The following DDX52 variants were observed in gnomAD, a reference collection of about 807,000 sequenced individuals.
DDX52 encodes DExD-box helicase 52, also known as probable ATP-dependent RNA helicase DDX52.
DDX52 carries 59 observed loss-of-function variants against 76.1 expected under a neutral mutation model. The observed-to-expected ratio is 0.78, with a 90% CI of 0.63 to 0.96. The LOEUF (loss-of-function observed/expected upper bound fraction) is 0.96. DDX52 is among the 40% of genes least tolerant of loss of function. The probability of loss-of-function intolerance (pLI) is 0.00; values close to 1 mark genes in which losing one functional copy is unlikely to be tolerated. For missense variants in DDX52, 707 were observed against 703.9 expected (o/e 1.00, Z -0.05); for synonymous variants, 231 against 244.1 (o/e 0.95, Z 0.50).
chr17:37,640,747 G>C (rs1385199975), intron 2 of DDX52, among the ~76,000 whole-genome samples: 1 of 150,828 alleles, frequency 6.6e-6, no homozygotes, highest in Non-Finnish European at 1.5e-5. Context: ...CAGCACTTTG[G>C]GAGGTCGAGG....
chr17:37,641,138 C>A (rs1205632127), intron 2 of DDX52, among the ~76,000 whole-genome samples: 2 of 152,136 alleles, frequency 1.3e-5, no homozygotes, highest in Non-Finnish European at 2.9e-5. Flanking sequence ...CGCCTGTAAT[C>A]CCAGCACTTT....
chr17:37,626,216 A>C (rs2030365382), intron 7 of DDX52, 118 bp from the exon 8 acceptor site: 7 of 1,035,910 alleles, frequency 6.8e-6, no homozygotes, highest in Admixed American at 3.0e-5. Context: ...TCTCAGATCC[A>C]CTTTATCATA....
At chr17:37,641,792 A>G (rs140006001) in intron 2 of DDX52, among the ~76,000 whole-genome samples, 482 of 152,278 alleles carry the variant, frequency 3.2e-3, no homozygotes, top group African/African-American at 0.011. Context: ...AATAATATTC[A>G]GCACTGACAA....
rs1271857896 is a variant in DDX52 at position 37,633,217 on chromosome 17, A to G, written c.417+71T>C. On this transcript the variant is annotated intron_variant, in intron 3 of 14. Transcript: ENST00000617633. ...CTATATTCACATTAACAACAGAATAACCCAAATCCAGCGAATAAGTCACTA... is the reference window on the plus strand; with the variant it reads ...CTATATTCACATTAACAACAGAATAGCCCAAATCCAGCGAATAAGTCACTA... 6 of 1,451,170 alleles carry G rather than the reference A, an allele frequency of 4.1e-6. No homozygotes were observed. In the East Asian group the frequency reaches 1.5e-4, roughly 36 times the overall value. The allele number at this position is 1,451,170 out of a possible 1,614,324, so 89.9% of individuals were successfully genotyped here.
At chr17:37,641,599 T>C (rs952876764) in intron 2 of DDX52, among the ~76,000 whole-genome samples, 1 of 151,642 alleles carries the variant, frequency 6.6e-6, no homozygotes, top group Admixed American at 6.6e-5. Flanking sequence ...TAGCTAGGCG[T>C]GGTGACACGC....
At chr17:37,619,639 G>C (rs1029602695) in intron 13 of DDX52, 129 bp downstream of exon 13, 6 of 739,798 alleles carry the variant, frequency 8.1e-6, no homozygotes, top group Non-Finnish European at 4.4e-6. Context: ...TTGAGCCTAG[G>C]AGATCAAGAC....
rs2030355470 is a variant in DDX52 at position 37,626,035 on chromosome 17, T to A, written c.996A>T (p.Arg332Ser). The A allele has an allele frequency of 6.2e-7, 1 of 1,614,176 alleles. No individual in the cohort carries two copies. The highest frequency in any genetic ancestry group is 2.2e-5 in the East Asian group (1 of 44,888). ...KLFEDGKTGF[R>S]DQLASIFLAC... is the part of the protein sequence containing the mutation. Reference sequence around the variant, plus strand: ...CCAGGAAAATGGAAGCCAGCTGGTCTCTGAACCCAGTTTTGCCATCTTCAA... The same window carrying A: ...CCAGGAAAATGGAAGCCAGCTGGTCACTGAACCCAGTTTTGCCATCTTCAA... Residue 332 changes from arginine to serine, a missense_variant, in exon 8 of 15, where the codon AGA (arginine) becomes AGT (serine). Physicochemically the swap from Arg to Ser is moderately radical, Grantham distance 110. Coordinates refer to ENST00000617633, the MANE Select transcript of DDX52 (RefSeq NM_007010.5).
chr17:37,630,639 G>GTT (rs34387906), intron 4 of DDX52, among the ~76,000 whole-genome samples: 33 of 128,548 alleles, frequency 2.6e-4, no homozygotes, highest in African/African-American at 4.0e-4. Context: ...AACTCACTGT[G>GTT]TTTTTTTTTT....
At chr17:37,635,048 C>T (rs2030864750) in intron 2 of DDX52, among the ~76,000 whole-genome samples, 1 of 152,064 alleles carries the variant, frequency 6.6e-6, no homozygotes. Context: ...ATCCGCCCGC[C>T]TCAGCCTCCC....
At chr17:37,634,452 T>C (rs2030835803) in intron 2 of DDX52, among the ~76,000 whole-genome samples, 1 of 151,572 alleles carries the variant, frequency 6.6e-6, no homozygotes, top group Admixed American at 6.6e-5. Flanking sequence ...GACAACATGA[T>C]GAAACCCTGT....
rs1169922497 is a variant in DDX52 at position 37,619,753 on chromosome 17, A to T, written c.1649+15T>A. 3 of 1,600,824 alleles carry T rather than the reference A, an allele frequency of 1.9e-6. No homozygotes were observed. Among genetic ancestry groups the T allele is most frequent in the Non-Finnish European group, 2.6e-6 (3 of 1,174,394 alleles). ...AAAGAGACAGACAAAGATACAGGTA[A>T]ATTCAAGATTGTACCTTAGTAGTTT... On this transcript the variant is annotated intron_variant, in intron 13 of 14. Transcript: ENST00000617633.
chr17:37,617,320 CAATA>C (rs1465356332), intron 14 of DDX52, among the ~76,000 whole-genome samples: 3 of 152,114 alleles, frequency 2.0e-5, no homozygotes, highest in Admixed American at 2.0e-4. Context: ...GAGAAAAAAA[CAATA>C]AATTATAGAC....
At chr17:37,642,780 C>T (rs1488155264) in intron 1 of DDX52, 2 of 162,678 alleles carry the variant, frequency 1.2e-5, no homozygotes, top group African/African-American at 4.8e-5. Context: ...ACAAAGTAGA[C>T]ATTCAAGATT....
intron 2 of DDX52, among the ~76,000 whole-genome samples, chr17:37,639,886 T>G (rs2031107795): frequency 6.6e-6 from 1 of 152,220 alleles, no homozygotes; most frequent in Non-Finnish European, 1.5e-5. Flanking sequence ...TTGTGGCGTG[T>G]CTTTCTTATT....
chr17:37,629,124 G>T (rs2030542522), intron 5 of DDX52, among the ~76,000 whole-genome samples: 1 of 151,920 alleles, frequency 6.6e-6, no homozygotes, highest in Non-Finnish European at 1.5e-5. Flanking sequence ...GGGAGGCTGA[G>T]GCAGGAGAAT....
At chr17:37,626,527 G>A (rs1341374901) in intron 7 of DDX52, among the ~76,000 whole-genome samples, 1 of 152,214 alleles carries the variant, frequency 6.6e-6, no homozygotes, top group African/African-American at 2.4e-5. Context: ...GTTTAGAGCA[G>A]CATGAAAACG....
chr17:37,642,039 C>T (rs2031224227), intron 2 of DDX52, 71 bp downstream of exon 2: 1 of 1,582,506 alleles, frequency 6.3e-7, no homozygotes. Context: ...GACTTGTAGC[C>T]ATAAGCCTGT....
At position 37,621,017 on chromosome 17, in the gene DDX52, A is replaced by G. The variant is rs188604618; in HGVS notation, c.1502-69T>C. 2.1e-5 allele frequency: 32 copies of G among 1,559,756 alleles called. No homozygotes were observed. In the East Asian group the frequency reaches 7.2e-4, roughly 35 times the overall value. ...GAGGCTCTCAAAATTCATTTATAAA[A>G]GTCACTGGATTTTCACAGCACTAAG... On this transcript the variant is annotated intron_variant, in intron 11 of 14. Transcript: ENST00000617633.
At chr17:37,634,925 C>T (rs566782250) in intron 2 of DDX52, among the ~76,000 whole-genome samples, 2 of 151,430 alleles carry the variant, frequency 1.3e-5, no homozygotes, top group African/African-American at 4.9e-5. Flanking sequence ...ATCAGCCTCC[C>T]GAGTAGCTGG....
Sources: allele counts gnomAD v4.1 joint callset (sites outside exome capture counted in the v4.1 genomes callset), GRCh38; gene constraint gnomAD v4.1.1; transcripts MANE v1.5; gene names NCBI Gene and HGNC (gene_info 2026-07-23, HGNC 2026-07-21).